The following CPNE9 variants were observed in gnomAD, a reference collection of about 807,000 sequenced individuals.
The protein encoded by CPNE9 is copine-9.
CPNE9 carries 59 observed loss-of-function variants against 83.0 expected under a neutral mutation model. The ratio of observed to expected loss-of-function variants is 0.71; its 90% confidence interval spans 0.58 to 0.88. CPNE9 has a LOEUF of 0.88. Ranked by LOEUF, CPNE9 falls within the 40% of genes least tolerant of loss-of-function variation. The pLI is 0.00. For missense variants in CPNE9, 619 were observed against 720.8 expected, an observed-to-expected ratio of 0.86 and a Z score of 1.62; for synonymous variants, 256 against 273.4, an observed-to-expected ratio of 0.94 and a Z score of 0.63.
Position 9,704,822 on chromosome 3 carries a change from C to G in CPNE9, c.156+27C>G, listed in dbSNP as rs1220915639. The G allele has an allele frequency of 2.5e-6, 4 of 1,601,378 alleles. No homozygotes were observed. The highest frequency in any genetic ancestry group is 8.5e-7 in the Non-Finnish European group (1 of 1,174,118). ...TGAGTCCCAGAGCCCCCTCCCGGCC[C>G]AGGGCGTCGCCCGGGAATTCCCCTG... On this transcript the variant is annotated intron_variant, in intron 3 of 20. Transcript: ENST00000383832. This position sits in a 1 kb window ranked among gnomAD's most constrained non-coding sequence, Gnocchi z 7.1.
chr3:9,723,724 C>T (rs754190151), intron 17 of CPNE9, among the ~76,000 whole-genome samples: 11 of 152,050 alleles, frequency 7.2e-5, no homozygotes, highest in South Asian at 4.2e-4. Context: ...TAAATTTTTT[C>T]GTAGAGACCA....
intron 7 of CPNE9, among the ~76,000 whole-genome samples, chr3:9,709,817 C>CT (rs2076607911): frequency 6.6e-6 from 1 of 151,708 alleles, no homozygotes; most frequent in African/African-American, 2.4e-5. Flanking sequence ...TGGCGAAACT[C>CT]TGTCTCTACT....
rs941489425 is a variant in CPNE9 at position 9,711,213 on chromosome 3, A to T, written c.378-1328A>T. On this transcript the variant is annotated intron_variant, in intron 7 of 20. Transcript: ENST00000383832. ...GGATGTGCAAGCGAATTATTTATTT[A>T]TTTTTTTGAGACAGAGTCTTACTCT... 1.1e-4 allele frequency among the ~76,000 whole-genome samples: 16 copies of T among 152,006 alleles called. No individual in the cohort carries two copies. The East Asian group carries it at 1.4e-3, about 13-fold the overall frequency.
intron 10 of CPNE9, among the ~76,000 whole-genome samples, chr3:9,714,657 A>C (rs1242064989): frequency 6.8e-6 from 1 of 148,078 alleles, no homozygotes; most frequent in East Asian, 1.9e-4. Flanking sequence ...AAAAAAAAAA[A>C]AAAAAAAAAA....
chr3:9,728,861 T>C (rs1225911657), intron 20 of CPNE9, among the ~76,000 whole-genome samples: 3 of 151,926 alleles, frequency 2.0e-5, no homozygotes, highest in African/African-American at 7.3e-5. Context: ...CAGCTCCATC[T>C]CTCTGACCTC....
At chr3:9,725,656 G>GTATATATGTA (rs1232178561) in intron 17 of CPNE9, among the ~76,000 whole-genome samples, 4 of 71,304 alleles carry the variant, frequency 5.6e-5, no homozygotes, top group African/African-American at 1.3e-4. Context: ...GTATATATGT[G>GTATATATGTA]TATATATGTA....
chr3:9,717,121 T>C lies in CPNE9; in HGVS notation c.931+17T>C. On this transcript the variant is annotated intron_variant, in intron 15 of 20. Transcript: ENST00000383832. ...CTTCCAATGGTGAGACACGGATGAGTGAAAAAGTCGGAGGTGGGAAGGCAC... is the reference window on the plus strand; with the variant it reads ...CTTCCAATGGTGAGACACGGATGAGCGAAAAAGTCGGAGGTGGGAAGGCAC... 1.9e-6 allele frequency: 3 copies of C among 1,613,734 alleles called. No homozygotes were observed. The highest frequency in any genetic ancestry group is 2.2e-5 in the South Asian group (2 of 91,050).
At chr3:9,712,659 T>C in intron 8 of CPNE9, 55 bp downstream of exon 8, 2 of 1,607,676 alleles carry the variant, frequency 1.2e-6, no homozygotes, top group Non-Finnish European at 1.7e-6. Flanking sequence ...CCGTAAACCC[T>C]TTAATGGACT....
chr3:9,711,305 C>A (rs185580152), intron 7 of CPNE9, among the ~76,000 whole-genome samples: 2 of 152,032 alleles, frequency 1.3e-5, no homozygotes, highest in African/African-American at 2.4e-5. Flanking sequence ...CGGGTTCAAG[C>A]GATTCTCCTC....
intron 17 of CPNE9, among the ~76,000 whole-genome samples, chr3:9,723,458 C>T (rs2076751007): frequency 1.3e-5 from 2 of 151,162 alleles, no homozygotes; most frequent in South Asian, 2.1e-4. Flanking sequence ...GGCAACAGAG[C>T]GAGACTCTGT....
chr3:9,715,236 T>G, intron 11 of CPNE9, 53 bp from the exon 12 acceptor site: 1 of 1,574,190 alleles, frequency 6.4e-7, no homozygotes, highest in Admixed American at 1.7e-5. Flanking sequence ...TGGGTTCAGC[T>G]CTGGTTCCAA....
chr3:9,705,292 G>T (rs1196445129), intron 4 of CPNE9, among the ~76,000 whole-genome samples, 172 bp from the exon 5 acceptor site: 1 of 151,780 alleles, frequency 6.6e-6, no homozygotes, highest in South Asian at 2.1e-4. Flanking sequence ...AGGCTTGACC[G>T]TCTGACTACT....
In CPNE9 at chr3:9,729,812, C is replaced by T. The variant is rs1346365580; in HGVS notation, c.*120C>T. On this transcript the variant is annotated 3_prime_UTR_variant, in exon 21 of 21. Coordinates refer to ENST00000383832, the MANE Select transcript of CPNE9 (RefSeq NM_153635.3). ...GGAGGGCCAACTTGGAGGATCAGTG[C>T]TGGCTGACAAGCCCTCCGCCTCCTT... is the stretch of plus-strand genomic sequence containing the variant. 7.1e-7 allele frequency: 1 copy of T among 1,401,734 alleles called. No homozygotes were observed. The highest frequency in any genetic ancestry group is 1.4e-5 in the African/African-American group (1 of 69,482). 86.8% of individuals were successfully genotyped at this position (1,401,734 alleles called of 1,614,324 possible).
At chr3:9,711,505 T>C (rs957376436) in intron 7 of CPNE9, among the ~76,000 whole-genome samples, 1 of 152,124 alleles carries the variant, frequency 6.6e-6, no homozygotes, top group African/African-American at 2.4e-5. Flanking sequence ...GCGTGAGCCA[T>C]CGCGCCCAGC....
intron 17 of CPNE9, among the ~76,000 whole-genome samples, chr3:9,719,218 C>T (rs1055701705): frequency 3.9e-5 from 6 of 152,116 alleles, no homozygotes; most frequent in Non-Finnish European, 7.4e-5. Context: ...AATACTACAC[C>T]ATTTTATATG....
chr3:9,704,074 C>A lies in CPNE9; in HGVS notation c.68+10C>A. ...TTACCGTGTCCTGCCGGTGAGCGGG[C>A]CGCGCTGGGGAGGGCTTAGGCACTG... On this transcript the variant is annotated intron_variant, in intron 1 of 20. Transcript: ENST00000383832. The surrounding 1 kb of genome is among the most constrained non-coding windows in gnomAD (Gnocchi z 7.1). 6.2e-7 allele frequency: 1 copy of A among 1,602,660 alleles called. No individual in the cohort carries two copies.
At chr3:9,709,514 G>A (rs922070758) in intron 7 of CPNE9, among the ~76,000 whole-genome samples, 6 of 150,876 alleles carry the variant, frequency 4.0e-5, no homozygotes, top group African/African-American at 7.3e-5. Flanking sequence ...GATTACAGGC[G>A]CCTGCCACCG....
chr3:9,721,528 G>A (rs1401647800), intron 17 of CPNE9, among the ~76,000 whole-genome samples: 2 of 152,276 alleles, frequency 1.3e-5, no homozygotes, highest in South Asian at 2.1e-4. Context: ...ATCTTGGTGG[G>A]TGGAGCAGTA....
chr3:9,719,202 T>C (rs879432960), intron 17 of CPNE9, among the ~76,000 whole-genome samples: 2 of 152,174 alleles, frequency 1.3e-5, no homozygotes, highest in Non-Finnish European at 2.9e-5. Flanking sequence ...GTATAGGTTA[T>C]ATGCAAATAC....
Sources: allele counts gnomAD v4.1 joint callset (sites outside exome capture counted in the v4.1 genomes callset), GRCh38; gene constraint gnomAD v4.1.1; non-coding constraint Gnocchi (gnomAD v3.1); transcripts MANE v1.5; gene names NCBI Gene and HGNC (gene_info 2026-07-23, HGNC 2026-07-21).